RPTOR: variants seen among roughly 807,000 people sequenced by gnomAD.
The protein encoded by RPTOR is regulatory associated protein of MTOR complex 1, also known as regulatory-associated protein of mTOR.
In RPTOR, 21 loss-of-function variants were observed where a neutral mutation model predicts 169.9. The observed-to-expected ratio is 0.12, with a 90% CI of 0.09 to 0.18. The LOEUF is 0.18. RPTOR is among the 10% of genes least tolerant of loss of function. The pLI is 1.00. For synonymous variants in RPTOR, 732 were observed against 753.2 expected (o/e 0.97, Z 0.46); for missense variants, 1,133 against 1,855.9 (o/e 0.61, Z 7.16).
In RPTOR at chr17:80,544,934, A is replaced by C. The variant is rs1251801555; in HGVS notation, c.-696A>C. Reference sequence around the variant, plus strand: ...AAAGCTCCCATGACCCAATAAGCCCACATTGTCCCTTTCCTCCGTGGTTCC... The same window carrying C: ...AAAGCTCCCATGACCCAATAAGCCCCCATTGTCCCTTTCCTCCGTGGTTCC... On this transcript the variant is annotated 5_prime_UTR_variant, in exon 1 of 34. Transcript: ENST00000306801. 4.3e-6 allele frequency: 1 copy of C among 230,208 alleles called. No individual in the cohort carries two copies. Among genetic ancestry groups the C allele is most frequent in the Non-Finnish European group, 8.6e-6 (1 of 115,976 alleles). 14.3% of individuals were successfully genotyped at this position (230,208 alleles called of 1,614,324 possible).
chr17:80,957,761 G>A lies in RPTOR; in HGVS notation c.3477+31G>A. ...CATGCAGGTGTCCCCCAAGCCCTGGGCCTGTGGGGCAGTGTGTGCAGGGCT... is the reference window on the plus strand; with the variant it reads ...CATGCAGGTGTCCCCCAAGCCCTGGACCTGTGGGGCAGTGTGTGCAGGGCT... On this transcript the variant is annotated intron_variant, in intron 29 of 33. Transcript: ENST00000306801. This position sits in a 1 kb window ranked among gnomAD's most constrained non-coding sequence, Gnocchi z 4.6. 1 of 1,592,418 alleles carries A rather than the reference G, an allele frequency of 6.3e-7. No homozygotes were observed. Among genetic ancestry groups the A allele is most frequent in the Non-Finnish European group, 8.6e-7 (1 of 1,160,784 alleles).
chr17:80,608,028 CT>C (rs1291824396), intron 1 of RPTOR, among the ~76,000 whole-genome samples: 1 of 152,172 alleles, frequency 6.6e-6, no homozygotes, highest in African/African-American at 2.4e-5. Context: ...TGTAGTTTTG[CT>C]GACGGTGTAT....
At chr17:80,771,873 G>A (rs908307588) in intron 6 of RPTOR, among the ~76,000 whole-genome samples, 3 of 152,224 alleles carry the variant, frequency 2.0e-5, no homozygotes, top group Non-Finnish European at 2.9e-5. Flanking sequence ...CAGCTGGTGC[G>A]TAGCGAGGCA....
intron 21 of RPTOR, among the ~76,000 whole-genome samples, chr17:80,916,135 G>T (rs2143955550): frequency 6.6e-6 from 1 of 152,252 alleles, no homozygotes; most frequent in South Asian, 2.1e-4. Context: ...CACAAACAGG[G>T]CTGAAACATG....
In RPTOR at chr17:80,964,322, G is replaced by A; in HGVS notation, c.4000G>A (p.Val1334Ile). ...YISVYSVEKRVR is the reference protein window; with the variant it reads ...YISVYSVEKRIR ...CTCCGTGTACTCGGTGGAGAAGCGT[G>A]TCAGATAGCGGCGTGACCCGGGCCC... is the stretch of plus-strand genomic sequence containing the variant. The change falls in exon 34 of 34, where the codon GTC becomes ATC. Residue 1334 changes from valine to isoleucine, a missense_variant. Physicochemically the swap from Val to Ile is conservative, Grantham distance 29. Coordinates refer to ENST00000306801, the MANE Select transcript of RPTOR (RefSeq NM_020761.3). The A allele has an allele frequency of 6.2e-7, 1 of 1,607,492 alleles. No individual in the cohort carries two copies. Among genetic ancestry groups the A allele is most frequent in the Non-Finnish European group, 8.5e-7 (1 of 1,179,846 alleles).
rs139005542 is a variant in RPTOR at position 80,593,976 on chromosome 17, G to A, written c.163-31715G>A. ...AAGGGACCTTGAGACTGAAAAATCC[G>A]AGAACTACCGGTTTATAGAAGTGGA... is the stretch of plus-strand genomic sequence containing the variant. On this transcript the variant is annotated intron_variant, in intron 1 of 33. Coordinates refer to ENST00000306801, the MANE Select transcript of RPTOR (RefSeq NM_020761.3). Among the ~76,000 whole-genome samples, 19 of 152,308 alleles carry A rather than the reference G, an allele frequency of 1.2e-4. No homozygotes were observed. In the East Asian group the frequency reaches 3.5e-3, roughly 28 times the overall value.
chr17:80,574,941 G>A (rs928010940), intron 1 of RPTOR, among the ~76,000 whole-genome samples: 4 of 144,314 alleles, frequency 2.8e-5, no homozygotes, highest in Admixed American at 6.9e-5. Flanking sequence ...CTGGGATTAC[G>A]GATGTGAGCC....
rs111355443 is a variant in RPTOR at position 80,722,964 on chromosome 17, A to G, written c.508-7596A>G. Among the ~76,000 whole-genome samples the G allele has an allele frequency of 1.8e-4, 28 of 151,434 alleles. 3 individuals are homozygous for G. Among genetic ancestry groups the G allele is most frequent in the African/African-American group, 6.9e-4 (28 of 40,734 alleles). On this transcript the variant is annotated intron_variant, in intron 4 of 33. Coordinates refer to ENST00000306801, the MANE Select transcript of RPTOR (RefSeq NM_020761.3). ...GGTTCCTCAGCTGTTCTTGTCTTTCATGACCATGACATTGTAAGATGCTGC... is the reference window on the plus strand; with the variant it reads ...GGTTCCTCAGCTGTTCTTGTCTTTCGTGACCATGACATTGTAAGATGCTGC...
intron 6 of RPTOR, among the ~76,000 whole-genome samples, chr17:80,772,937 C>T (rs953823806): frequency 1.3e-5 from 2 of 152,158 alleles, no homozygotes; most frequent in Admixed American, 6.5e-5. Flanking sequence ...CGATTTGAAC[C>T]GGGGTTTTCT....
intron 21 of RPTOR, among the ~76,000 whole-genome samples, chr17:80,918,775 G>C (rs1235656828): frequency 6.6e-6 from 1 of 152,222 alleles, no homozygotes; most frequent in Non-Finnish European, 1.5e-5. Flanking sequence ...CCCCGTCCCT[G>C]TGCTGCCTGG....
At chr17:80,771,694 G>A (rs1236368050) in intron 6 of RPTOR, among the ~76,000 whole-genome samples, 1 of 144,090 alleles carries the variant, frequency 6.9e-6, no homozygotes, top group African/African-American at 2.5e-5. Context: ...CCTCCATTCA[G>A]ACTTGGGTGG....
intron 31 of RPTOR, among the ~76,000 whole-genome samples, 163 bp from the exon 32 acceptor site, chr17:80,962,298 G>T (rs1010550904): frequency 6.6e-6 from 1 of 152,198 alleles, no homozygotes; most frequent in Non-Finnish European, 1.5e-5. Context: ...GGCCCCACCT[G>T]GGCAGCCCTC....
intron 17 of RPTOR, among the ~76,000 whole-genome samples, chr17:80,889,777 C>T (rs1222025958): frequency 6.6e-6 from 1 of 152,202 alleles, no homozygotes; most frequent in Admixed American, 6.5e-5. Flanking sequence ...GAGCGAGGCC[C>T]GCCATCTCCA....
intron 7 of RPTOR, among the ~76,000 whole-genome samples, chr17:80,798,903 A>G (rs1457095598): frequency 3.9e-5 from 6 of 152,172 alleles, no homozygotes; most frequent in Non-Finnish European, 5.9e-5. Flanking sequence ...CCGTGTCCCT[A>G]CACACCATGA....
At chr17:80,951,026 C>T (rs1194503559) in intron 28 of RPTOR, among the ~76,000 whole-genome samples, 4 of 152,208 alleles carry the variant, frequency 2.6e-5, no homozygotes, top group East Asian at 1.9e-4. Context: ...TGGAAGGACA[C>T]ACCCGTGGCT....
At chr17:80,760,486 G>C (rs60081445) in intron 6 of RPTOR, among the ~76,000 whole-genome samples, 5 of 152,016 alleles carry the variant, frequency 3.3e-5, no homozygotes, top group Admixed American at 3.3e-4. Flanking sequence ...ATTTTTAGTA[G>C]AGATGAGATT....
chr17:80,926,453 C>T (rs967007545), intron 24 of RPTOR, among the ~76,000 whole-genome samples: 2 of 152,160 alleles, frequency 1.3e-5, no homozygotes, highest in African/African-American at 4.8e-5. Flanking sequence ...TCCCTTTGAC[C>T]CAGTCATGAA....
At chr17:80,797,466 A>G (rs1161915208) in intron 7 of RPTOR, among the ~76,000 whole-genome samples, 4 of 152,226 alleles carry the variant, frequency 2.6e-5, no homozygotes, top group Non-Finnish European at 4.4e-5. Context: ...TGCATATTGT[A>G]TTATCTACAA....
At chr17:80,828,122 T>C (rs1042029078) in intron 9 of RPTOR, among the ~76,000 whole-genome samples, 18 of 152,312 alleles carry the variant, frequency 1.2e-4, no homozygotes, top group Admixed American at 1.2e-3. Flanking sequence ...TTGTCACCTC[T>C]TGTTACACAT....
Sources: gnomAD v4.1 joint callset for allele counts (sites outside exome capture counted in the v4.1 genomes callset) on GRCh38, gnomAD v4.1.1 for gene constraint, Gnocchi (gnomAD v3.1) non-coding constraint, MANE v1.5 for transcripts, NCBI Gene and HGNC (gene_info 2026-07-23, HGNC 2026-07-21) for gene names.